WDR72: variants seen among roughly 807,000 people sequenced by gnomAD.
WDR72 encodes WD repeat domain 72.
Under a neutral mutation model 124.2 loss-of-function variants are expected in WDR72, and 120 were observed. The ratio of observed to expected loss-of-function variants is 0.97; its 90% confidence interval spans 0.83 to 1.12. The LOEUF (loss-of-function observed/expected upper bound fraction) is 1.12. Among genes scored for constraint, WDR72 ranks in the 50% most tolerant of loss-of-function variants. WDR72 has a pLI of 0.00. For missense variants in WDR72, 1,387 were observed against 1,278.8 expected, an observed-to-expected ratio of 1.08 and a Z score of -1.29; for synonymous variants, 452 against 441.7, an observed-to-expected ratio of 1.02 and a Z score of -0.29.
Position 53,740,364 on chromosome 15 carries a change from G to T in WDR72, c.-12-7203C>A, listed in dbSNP as rs574638118. 2.2e-3 allele frequency among the ~76,000 whole-genome samples: 323 copies of T among 149,608 alleles called. 3 individuals carry two copies. In the Middle Eastern group the frequency reaches 0.024, roughly 11 times the overall value. On this transcript the variant is annotated intron_variant, in intron 1 of 19. Coordinates refer to ENST00000360509, the MANE Select transcript of WDR72 (RefSeq NM_182758.4). ...TCTCTGTCGCCCAGGCTGGAGTGCAGTGGCGCGATCTCAGCTCACTGTAAG... is the reference window on the plus strand; with the variant it reads ...TCTCTGTCGCCCAGGCTGGAGTGCATTGGCGCGATCTCAGCTCACTGTAAG...
intron 5 of WDR72, 92 bp downstream of exon 5, chr15:53,715,101 T>C (rs906251360): frequency 2.2e-6 from 3 of 1,394,296 alleles, no homozygotes; most frequent in Non-Finnish European, 3.0e-6. Flanking sequence ...AAGCATTCTT[T>C]CTGAATTTCT....
intron 18 of WDR72, among the ~76,000 whole-genome samples, chr15:53,554,799 T>C (rs1893866088): frequency 6.6e-6 from 1 of 152,152 alleles, no homozygotes. Context: ...TCACATTTAT[T>C]TTTACATAAC....
intron 2 of WDR72, among the ~76,000 whole-genome samples, chr15:53,732,602 A>T (rs572380023): frequency 2.1e-4 from 32 of 152,280 alleles, no homozygotes; most frequent in Admixed American, 7.2e-4. Flanking sequence ...CACATAATTA[A>T]GATATTACTC....
intron 18 of WDR72, among the ~76,000 whole-genome samples, chr15:53,560,702 TGACTG>T (rs1894095410): frequency 6.6e-6 from 1 of 151,946 alleles, no homozygotes; most frequent in African/African-American, 2.4e-5. Flanking sequence ...GCAGTTTCAA[TGACTG>T]GAATTTATTT....
chr15:53,626,508 C>G (rs967084745), intron 14 of WDR72, among the ~76,000 whole-genome samples: 2 of 152,130 alleles, frequency 1.3e-5, no homozygotes, highest in African/African-American at 4.8e-5. Context: ...CAGCTCCAGC[C>G]GTAACAAACA....
chr15:53,732,588 C>T (rs2018233953), intron 2 of WDR72, among the ~76,000 whole-genome samples: 1 of 152,170 alleles, frequency 6.6e-6, no homozygotes, highest in East Asian at 1.9e-4. Flanking sequence ...TGAGCAGAAA[C>T]ACCCACATAA....
chr15:53,542,620 C>G (rs1241735136), intron 18 of WDR72, among the ~76,000 whole-genome samples: 8 of 15,970 alleles, frequency 5.0e-4, no homozygotes, highest in African/African-American at 1.8e-3. Flanking sequence ...ATCATAATGA[C>G]AGGATCAAAT....
At chr15:53,675,257 C>T (rs527637598) in intron 13 of WDR72, among the ~76,000 whole-genome samples, 3 of 151,334 alleles carry the variant, frequency 2.0e-5, no homozygotes, top group Admixed American at 6.6e-5. Context: ...GCAGAAGAAT[C>T]GCTTGAACCT....
intron 17 of WDR72, among the ~76,000 whole-genome samples, chr15:53,606,810 T>G (rs545349076): frequency 2.0e-5 from 3 of 152,116 alleles, no homozygotes; most frequent in African/African-American, 4.8e-5. Flanking sequence ...AGAAAGCCAG[T>G]TGGGGCTAAA....
intron 1 of WDR72, among the ~76,000 whole-genome samples, chr15:53,739,015 T>C (rs1350187416): frequency 1.3e-5 from 2 of 152,224 alleles, no homozygotes; most frequent in East Asian, 1.9e-4. Flanking sequence ...ACATTTATTT[T>C]AGCAAAAACT....
At chr15:53,670,472 C>A (rs576177056) in intron 13 of WDR72, among the ~76,000 whole-genome samples, 1 of 152,278 alleles carries the variant, frequency 6.6e-6, no homozygotes, top group East Asian at 1.9e-4. Flanking sequence ...ACATGTAAAA[C>A]CAGAGCTTTC....
chr15:53,754,931 G>GT (rs1286386200), intron 1 of WDR72, among the ~76,000 whole-genome samples: 9 of 152,134 alleles, frequency 5.9e-5, no homozygotes, highest in African/African-American at 2.2e-4. Flanking sequence ...ATAAAGATAT[G>GT]TTTTCATCAA....
intron 6 of WDR72, among the ~76,000 whole-genome samples, chr15:53,714,181 CTGTGTG>C (rs147902451): frequency 1.1e-4 from 16 of 150,372 alleles, no homozygotes; most frequent in Non-Finnish European, 1.9e-4. Context: ...TGTAATCTTT[CTGTGTG>C]TGTGTGTGTG....
intron 14 of WDR72, 98 bp downstream of exon 14, chr15:53,665,474 T>C: frequency 3.6e-6 from 5 of 1,377,544 alleles, no homozygotes; most frequent in Non-Finnish European, 5.1e-6. Flanking sequence ...AGTTCTTGTT[T>C]TCATGCTGAT....
At chr15:53,603,993 A>T (rs1393167858) in intron 17 of WDR72, among the ~76,000 whole-genome samples, 1 of 152,200 alleles carries the variant, frequency 6.6e-6, no homozygotes, top group African/African-American at 2.4e-5. Context: ...TAAAATTCAT[A>T]TGGAACCAAA....
At chr15:53,613,799 A>G (rs1566984534) in intron 15 of WDR72, 42 bp from the exon 16 acceptor site, 1 of 1,375,156 alleles carries the variant, frequency 7.3e-7, no homozygotes, top group Admixed American at 1.7e-5. Context: ...AAAAAGCATG[A>G]AAAATTATTT....
At chr15:53,602,716 C>T (rs1026195847) in intron 17 of WDR72, among the ~76,000 whole-genome samples, 2 of 151,772 alleles carry the variant, frequency 1.3e-5, no homozygotes, top group Non-Finnish European at 2.9e-5. Context: ...AATATATACA[C>T]GTGACCTAGA....
intron 18 of WDR72, among the ~76,000 whole-genome samples, chr15:53,582,564 T>C (rs1022246482): frequency 6.6e-6 from 1 of 151,944 alleles, no homozygotes; most frequent in Non-Finnish European, 1.5e-5. Context: ...TGGGCTTGTT[T>C]CCCCGAATAC....
At chr15:53,702,381 T>C (rs901082215) in intron 11 of WDR72, 27 bp from the exon 12 acceptor site, 2 of 1,536,954 alleles carry the variant, frequency 1.3e-6, no homozygotes, top group African/African-American at 1.4e-5. Flanking sequence ...CACCAAATAA[T>C]ACAGATGTTA....
Sources: gnomAD v4.1 joint callset for allele counts (sites outside exome capture counted in the v4.1 genomes callset) on GRCh38, gnomAD v4.1.1 for gene constraint, MANE v1.5 for transcripts, NCBI Gene and HGNC (gene_info 2026-07-23, HGNC 2026-07-21) for gene names.